PTPN9: variants seen among roughly 807,000 people sequenced by gnomAD.
The protein encoded by PTPN9 is protein tyrosine phosphatase non-receptor type 9.
Under a neutral mutation model 69.8 loss-of-function variants are expected in PTPN9, and 26 were observed. That is an observed-to-expected ratio of 0.37 (90% confidence interval 0.27 to 0.52). PTPN9 has a LOEUF of 0.52. PTPN9 is among the 20% of genes least tolerant of loss of function. The pLI is 0.91. For missense variants in PTPN9, 549 were observed against 740.3 expected (o/e 0.74, Z 3.00); for synonymous variants, 274 against 272.5 (o/e 1.01, Z -0.05).
rs113941386 is a variant in PTPN9 at position 75,493,735 on chromosome 15, T to C, written c.969-3434A>G. Among the ~76,000 whole-genome samples the C allele has an allele frequency of 4.2e-3, 644 of 151,738 alleles. 3 individuals carry two copies. Among genetic ancestry groups the C allele is most frequent in the African/African-American group, 0.014 (596 of 41,326 alleles). ...GAAATTGCGCCACTGTACTCCAGCCTGGGCAACAGAGCGAGACTCCGTCTC... is the reference window on the plus strand; with the variant it reads ...GAAATTGCGCCACTGTACTCCAGCCCGGGCAACAGAGCGAGACTCCGTCTC... On this transcript the variant is annotated intron_variant, in intron 7 of 12. Coordinates refer to ENST00000618819, the MANE Select transcript of PTPN9 (RefSeq NM_002833.4).
chr15:75,551,431 C>T (rs2075056187), intron 1 of PTPN9, among the ~76,000 whole-genome samples: 1 of 151,916 alleles, frequency 6.6e-6, no homozygotes, highest in South Asian at 2.1e-4. Context: ...TCTCAGCTCA[C>T]TGAAACCTCT....
intron 1 of PTPN9, among the ~76,000 whole-genome samples, chr15:75,577,065 A>T (rs1356431157): frequency 2.0e-5 from 3 of 152,184 alleles, no homozygotes; most frequent in African/African-American, 7.2e-5. Context: ...AGTCCTTGTT[A>T]ATGCCCATCA....
chr15:75,491,325 C>A (rs1311512514), intron 7 of PTPN9, among the ~76,000 whole-genome samples: 1 of 151,836 alleles, frequency 6.6e-6, no homozygotes, highest in Non-Finnish European at 1.5e-5. Flanking sequence ...ATCGCTTGAA[C>A]CTGGGAGGTG....
intron 9 of PTPN9, among the ~76,000 whole-genome samples, chr15:75,476,851 A>G (rs2074599479): frequency 1.3e-5 from 2 of 152,158 alleles, no homozygotes; most frequent in Admixed American, 1.3e-4. Flanking sequence ...CTCCTGCACC[A>G]CAGCAACTCT....
intron 1 of PTPN9, among the ~76,000 whole-genome samples, chr15:75,566,895 T>G (rs935308031): frequency 6.6e-6 from 1 of 152,006 alleles, no homozygotes; most frequent in Non-Finnish European, 1.5e-5. Flanking sequence ...GAGGCTGAAG[T>G]GGGAGCATCG....
At chr15:75,542,286 T>C (rs1178056321) in intron 1 of PTPN9, among the ~76,000 whole-genome samples, 1 of 152,176 alleles carries the variant, frequency 6.6e-6, no homozygotes, top group Non-Finnish European at 1.5e-5. Flanking sequence ...AGGGACTATG[T>C]GCACTTCAAA....
chr15:75,501,464 C>CT (rs745478766), intron 7 of PTPN9, among the ~76,000 whole-genome samples: 3,267 of 122,098 alleles, frequency 0.027, 152 homozygotes, highest in Admixed American at 0.11. Flanking sequence ...TTCTTTCTTT[C>CT]TTTTTTTTTT....
chr15:75,464,442 G>A lies in PTPN9; in HGVS notation c.*4327C>T, dbSNP rs2074528925. 1 of 152,086 alleles carries A rather than the reference G, an allele frequency of 6.6e-6. No homozygotes were observed. 9.4% of individuals were successfully genotyped at this position (152,086 alleles called of 1,614,324 possible). A position where few individuals can be genotyped will look rare whatever the true frequency, so the allele number is the denominator to read the frequency against. On this transcript the variant is annotated 3_prime_UTR_variant, in exon 13 of 13. Transcript: ENST00000618819. ...TGAAAAGTGGGGAGTGCTAGTGGGA[G>A]CCAACTCAACCCAAGTAAAGGCCTA...
Position 75,505,879 on chromosome 15 carries a change from TTCACCTGGGGTA to T in PTPN9, c.752_763del (p.Leu251_Asn255delinsHis). On this transcript the variant is annotated inframe_deletion, in exon 7 of 13. Transcript: ENST00000618819. ...CTCATCGAAGGGATCTGGGTGGCCG[TTCACCTGGGGTA>T]GGAACTGGAAATTCCAAGTGGCGAG... is the stretch of plus-strand genomic sequence containing the variant. The T allele has an allele frequency of 6.2e-7, 1 of 1,614,088 alleles. No individual in the cohort carries two copies. The highest frequency in any genetic ancestry group is 8.5e-7 in the Non-Finnish European group (1 of 1,180,022).
intron 5 of PTPN9, among the ~76,000 whole-genome samples, chr15:75,515,234 T>C (rs1298771144): frequency 6.6e-6 from 1 of 151,032 alleles, no homozygotes; most frequent in African/African-American, 2.4e-5. Flanking sequence ...GAGACCATCT[T>C]GGCTAACATG....
chr15:75,530,496 A>AAT (rs2074951593), intron 1 of PTPN9, among the ~76,000 whole-genome samples: 1 of 92,116 alleles, frequency 1.1e-5, no homozygotes, highest in African/African-American at 4.4e-5. Flanking sequence ...ATTATAATAT[A>AAT]TTATATTATA....
intron 5 of PTPN9, among the ~76,000 whole-genome samples, 191 bp from the exon 6 acceptor site, chr15:75,509,218 A>T (rs1268758906): frequency 1.3e-5 from 2 of 152,240 alleles, no homozygotes; most frequent in Non-Finnish European, 2.9e-5. Context: ...ATTTACCTTT[A>T]AAAATAACAA....
chr15:75,477,682 A>C (rs1361540282), intron 9 of PTPN9, among the ~76,000 whole-genome samples: 1 of 152,122 alleles, frequency 6.6e-6, no homozygotes, highest in Non-Finnish European at 1.5e-5. Context: ...TTACTAGGAA[A>C]ACAAGGACCT....
Position 75,553,306 on chromosome 15 carries a change from T to C in PTPN9, c.63+25408A>G, listed in dbSNP as rs182928549. The stretch of plus-strand genomic sequence containing the variant: ...TTGAATCTGTGAATCAACAGCTTGC[T>C]AAGACTGCCAAAAATTATTGTGAAT... On this transcript the variant is annotated intron_variant, in intron 1 of 12. Coordinates refer to ENST00000618819, the MANE Select transcript of PTPN9 (RefSeq NM_002833.4). 1.4e-3 allele frequency among the ~76,000 whole-genome samples: 209 copies of C among 152,306 alleles called. 1 individual carries two copies. Among genetic ancestry groups the C allele is most frequent in the African/African-American group, 4.8e-3 (200 of 41,558 alleles).
Position 75,542,022 on chromosome 15 carries a change from C to G in PTPN9, c.64-14761G>C, listed in dbSNP as rs77362218. Among the ~76,000 whole-genome samples, 323 of 150,310 alleles carry G rather than the reference C, an allele frequency of 2.1e-3. 2 individuals carry two copies. Among genetic ancestry groups the G allele is most frequent in the African/African-American group, 7.5e-3 (301 of 40,228 alleles). On this transcript the variant is annotated intron_variant, in intron 1 of 12. Transcript: ENST00000618819. ...ACTGCACTCCAGCCTGGTGACAGAG[C>G]AAGATGCCATCTCAAAAATAAAATA...
intron 7 of PTPN9, among the ~76,000 whole-genome samples, chr15:75,497,016 CAT>C (rs2074746554): frequency 6.6e-6 from 1 of 152,074 alleles, no homozygotes; most frequent in African/African-American, 2.4e-5. Context: ...AAAGGTCACA[CAT>C]ATAAAATAAT....
intron 7 of PTPN9, among the ~76,000 whole-genome samples, chr15:75,501,557 C>T (rs941306711): frequency 4.0e-5 from 6 of 151,332 alleles, no homozygotes; most frequent in Non-Finnish European, 7.4e-5. Context: ...CTTGACCTCC[C>T]GGGCTCAAGT....
intron 8 of PTPN9, among the ~76,000 whole-genome samples, chr15:75,482,114 G>GA (rs1277171362): frequency 6.6e-6 from 1 of 151,452 alleles, no homozygotes; most frequent in African/African-American, 2.4e-5. Context: ...TCTGCACTAA[G>GA]AAAAATTCCT....
intron 9 of PTPN9, among the ~76,000 whole-genome samples, chr15:75,475,494 G>A (rs2074590879): frequency 6.6e-6 from 1 of 151,958 alleles, no homozygotes; most frequent in Non-Finnish European, 1.5e-5. Context: ...TAGGAGAATT[G>A]TTTGAACCCA....
Sources: allele counts gnomAD v4.1 joint callset (sites outside exome capture counted in the v4.1 genomes callset), GRCh38; gene constraint gnomAD v4.1.1; transcripts MANE v1.5; gene names NCBI Gene and HGNC (gene_info 2026-07-23, HGNC 2026-07-21).